CYB5R4: variants seen among roughly 807,000 people sequenced by gnomAD.
CYB5R4 encodes the protein cytochrome b5 reductase 4.
CYB5R4 carries 55 observed loss-of-function variants against 70.2 expected under a neutral mutation model. That is an observed-to-expected ratio of 0.78 (90% CI 0.63 to 0.98). The LOEUF (loss-of-function observed/expected upper bound fraction) is 0.98, where lower values mean the gene tolerates loss of function less well. Among genes scored for constraint, CYB5R4 ranks in the 50% least tolerant of loss-of-function variants. The pLI is 0.00. For synonymous variants in CYB5R4, 197 were observed against 199.5 expected, an observed-to-expected ratio of 0.99 and a Z score of 0.11; for missense variants, 562 against 612.6, an observed-to-expected ratio of 0.92 and a Z score of 0.87.
intron 2 of CYB5R4, among the ~76,000 whole-genome samples, chr6:83,866,616 T>G (rs1321548959): frequency 7.0e-6 from 1 of 143,082 alleles, no homozygotes; most frequent in Non-Finnish European, 1.5e-5. Flanking sequence ...TCATGGTTTG[T>G]TTTTTTTTTT....
At chr6:83,924,141 C>T (rs1301952273) in intron 9 of CYB5R4, among the ~76,000 whole-genome samples, 3 of 144,902 alleles carry the variant, frequency 2.1e-5, no homozygotes, top group Non-Finnish European at 4.5e-5. Context: ...TACATCTCAA[C>T]CTTTTTTTTT....
intron 9 of CYB5R4, among the ~76,000 whole-genome samples, chr6:83,923,004 C>G (rs1009460268): frequency 4.6e-5 from 7 of 151,772 alleles, no homozygotes; most frequent in Non-Finnish European, 8.8e-5. Flanking sequence ...GACTGGCCCC[C>G]CTTATTTTTT....
intron 2 of CYB5R4, among the ~76,000 whole-genome samples, chr6:83,874,933 C>G (rs1340717660): frequency 1.3e-5 from 2 of 152,032 alleles, no homozygotes; most frequent in African/African-American, 2.4e-5. Context: ...AACAATTCTC[C>G]TGCCTCAGCC....
intron 3 of CYB5R4, 44 bp from the exon 4 acceptor site, chr6:83,908,965 G>A: frequency 1.3e-6 from 2 of 1,505,222 alleles, no homozygotes; most frequent in Non-Finnish European, 1.8e-6. Context: ...AGCATCCTGT[G>A]GAGTTAGTCA....
At position 83,859,734 on chromosome 6, in the gene CYB5R4, T is replaced by A. The variant is rs1411082148; in HGVS notation, c.-49T>A. 2 of 1,597,944 alleles carry A rather than the reference T, an allele frequency of 1.3e-6. No homozygotes were observed. Among genetic ancestry groups the A allele is most frequent in the Non-Finnish European group, 1.7e-6 (2 of 1,169,044 alleles). Reference sequence around the variant, plus strand: ...CACAGAGCCGGAGCTGGAGGTGCTGTCCCGTCTGGCGGCGATCCCCGGGCA... The same window carrying A: ...CACAGAGCCGGAGCTGGAGGTGCTGACCCGTCTGGCGGCGATCCCCGGGCA... On this transcript the variant is annotated 5_prime_UTR_variant, in exon 1 of 16. Coordinates refer to ENST00000369681, the MANE Select transcript of CYB5R4 (RefSeq NM_016230.4).
rs534742685 is a variant in CYB5R4 at position 83,859,710 on chromosome 6, A to C, written c.-73A>C. 5.8e-6 allele frequency: 9 copies of C among 1,543,032 alleles called. No individual in the cohort carries two copies. The highest frequency in any genetic ancestry group is 1.1e-5 in the South Asian group (1 of 87,650). On this transcript the variant is annotated 5_prime_UTR_variant, in exon 1 of 16. Transcript: ENST00000369681. ...TCGGGGGCTTGGCCTCTGCCCGGCC[A>C]CAGAGCCGGAGCTGGAGGTGCTGTC...
intron 3 of CYB5R4, among the ~76,000 whole-genome samples, chr6:83,895,119 T>G (rs2099461662): frequency 6.6e-6 from 1 of 152,202 alleles, no homozygotes; most frequent in Non-Finnish European, 1.5e-5. Flanking sequence ...TAAGGCAAGT[T>G]CCCATTGTTA....
intron 2 of CYB5R4, among the ~76,000 whole-genome samples, chr6:83,874,399 A>G (rs1367927403): frequency 6.6e-6 from 1 of 151,446 alleles, no homozygotes; most frequent in Non-Finnish European, 1.5e-5. Context: ...GCCGGGCCTC[A>G]CTGTGTGGCC....
chr6:83,938,413 G>A (rs1328910018), intron 12 of CYB5R4, among the ~76,000 whole-genome samples: 2 of 152,160 alleles, frequency 1.3e-5, no homozygotes, highest in Non-Finnish European at 1.5e-5. Flanking sequence ...GTGTCACTTA[G>A]AGAGTTGTAC....
At chr6:83,912,583 G>A (rs527564212) in intron 4 of CYB5R4, among the ~76,000 whole-genome samples, 1 of 152,326 alleles carries the variant, frequency 6.6e-6, no homozygotes, top group Admixed American at 6.5e-5. Flanking sequence ...ATTCTCATCA[G>A]AGTAAAGCAG....
intron 2 of CYB5R4, among the ~76,000 whole-genome samples, chr6:83,885,072 G>A (rs1325630034): frequency 6.6e-6 from 1 of 152,064 alleles, no homozygotes; most frequent in Non-Finnish European, 1.5e-5. Context: ...ATTAAGAAAT[G>A]TAAAGAATAT....
intron 14 of CYB5R4, among the ~76,000 whole-genome samples, chr6:83,951,015 A>C (rs2099471431): frequency 6.6e-6 from 1 of 152,176 alleles, no homozygotes; most frequent in South Asian, 2.1e-4. Flanking sequence ...TGTTACACCT[A>C]GTCAGTAGAG....
chr6:83,866,184 C>T (rs371154651), intron 2 of CYB5R4, among the ~76,000 whole-genome samples: 2 of 152,248 alleles, frequency 1.3e-5, no homozygotes, highest in South Asian at 2.1e-4. Context: ...TATGTGAACC[C>T]TTCATATCCT....
intron 5 of CYB5R4, among the ~76,000 whole-genome samples, chr6:83,915,861 A>G (rs543867428): frequency 6.6e-6 from 1 of 152,168 alleles, no homozygotes; most frequent in Non-Finnish European, 1.5e-5. Context: ...GGGTTGGACT[A>G]CTTTCCTATT....
chr6:83,924,698 C>A (rs2099466980), intron 10 of CYB5R4, 106 bp downstream of exon 10: 1 of 1,175,916 alleles, frequency 8.5e-7, no homozygotes, highest in African/African-American at 1.5e-5. Context: ...GCTGAAGGGT[C>A]CTTGTATCTA....
At chr6:83,920,340 G>T (rs1465287201) in intron 7 of CYB5R4, among the ~76,000 whole-genome samples, 1 of 152,046 alleles carries the variant, frequency 6.6e-6, no homozygotes, top group African/African-American at 2.4e-5. Flanking sequence ...GGAGTGACCA[G>T]CCTCTGCTTG....
At chr6:83,925,415 CA>C (rs927660477) in intron 10 of CYB5R4, among the ~76,000 whole-genome samples, 1 of 152,152 alleles carries the variant, frequency 6.6e-6, no homozygotes, top group African/African-American at 2.4e-5. Flanking sequence ...TGGAAGGGGA[CA>C]CAGATCCAAA....
intron 3 of CYB5R4, among the ~76,000 whole-genome samples, chr6:83,894,130 G>C (rs558622617): frequency 2.1e-4 from 32 of 152,280 alleles, no homozygotes; most frequent in African/African-American, 7.7e-4. Context: ...TTCCTAGCAT[G>C]ATGGCAGAGA....
intron 9 of CYB5R4, 145 bp downstream of exon 9, chr6:83,922,615 T>C (rs1588577420): frequency 1.7e-6 from 1 of 604,030 alleles, no homozygotes; most frequent in African/African-American, 2.5e-5. Context: ...ATGTGATGTT[T>C]TCTCTTTTTT....
Sources: gnomAD v4.1 joint callset for allele counts (sites outside exome capture counted in the v4.1 genomes callset) on GRCh38, gnomAD v4.1.1 for gene constraint, MANE v1.5 for transcripts, NCBI Gene and HGNC (gene_info 2026-07-23, HGNC 2026-07-21) for gene names.